UBE3A: variants seen among roughly 807,000 people sequenced by gnomAD.
UBE3A encodes ubiquitin protein ligase E3A.
A neutral mutation model predicts 83.4 loss-of-function variants in UBE3A; 6 were observed. The observed-to-expected ratio is 0.07, with a 90% CI of 0.04 to 0.14. UBE3A has a LOEUF of 0.14. UBE3A is among the 10% of genes least tolerant of loss of function. The pLI, the probability that UBE3A is intolerant of heterozygous loss-of-function variation, is 1.00. For synonymous variants in UBE3A, 337 were observed against 355.4 expected, an observed-to-expected ratio of 0.95 and a Z score of 0.58; for missense variants, 456 against 1,036.1, an observed-to-expected ratio of 0.44 and a Z score of 7.69.
intron 6 of UBE3A, among the ~76,000 whole-genome samples, chr15:25,367,854 A>G (rs2079579988): frequency 6.6e-6 from 1 of 152,070 alleles, no homozygotes; most frequent in Non-Finnish European, 1.5e-5. Context: ...AAAATCCACA[A>G]TTATTAATTC....
chr15:25,434,390 A>C (rs1894372626), intron 1 of UBE3A, among the ~76,000 whole-genome samples: 1 of 152,240 alleles, frequency 6.6e-6, no homozygotes, highest in Admixed American at 6.5e-5. Context: ...CAACACAGTG[A>C]GACCCCCATC....
chr15:25,397,863 C>T (rs1336899157), intron 4 of UBE3A, among the ~76,000 whole-genome samples: 1 of 152,000 alleles, frequency 6.6e-6, no homozygotes, highest in African/African-American at 2.4e-5. Flanking sequence ...ACTCTAGGCC[C>T]CCAAAATATT....
chr15:25,397,885 ATT>A (rs2085946428), intron 4 of UBE3A, among the ~76,000 whole-genome samples: 1 of 152,036 alleles, frequency 6.6e-6, no homozygotes, highest in Non-Finnish European at 1.5e-5. Flanking sequence ...GCCTTTCTAA[ATT>A]TGAGACATCT....
At chr15:25,377,730 C>T (rs531111376) in intron 4 of UBE3A, among the ~76,000 whole-genome samples, 1 of 151,974 alleles carries the variant, frequency 6.6e-6, no homozygotes, top group East Asian at 1.9e-4. Context: ...AATAATTTGA[C>T]AATTTTACAA....
intron 7 of UBE3A, among the ~76,000 whole-genome samples, chr15:25,358,943 A>C (rs1330720650): frequency 2.0e-5 from 3 of 152,212 alleles, no homozygotes; most frequent in Non-Finnish European, 2.9e-5. Flanking sequence ...CAAGCTGACA[A>C]TGGTGTGTCT....
chr15:25,356,721 T>G lies in UBE3A; in HGVS notation c.1929A>C (p.Gly643=). ...VVYRKLMGKK[G]TFRDLGDSHP... The stretch of plus-strand genomic sequence containing the variant: ...GAGAGTCTCCCAAGTCACGAAAAGT[T>G]CCTTTTTTCCCCATTAGCTTCCTGT... The change falls in exon 8 of 13, where the codon GGA becomes GGC. Residue 643 remains glycine (G), a synonymous_variant. Transcript: ENST00000648336. The G allele has an allele frequency of 2.5e-6, 4 of 1,613,536 alleles. No individual in the cohort carries two copies. The highest frequency in any genetic ancestry group is 3.4e-6 in the Non-Finnish European group (4 of 1,179,898).
intron 11 of UBE3A, among the ~76,000 whole-genome samples, chr15:25,351,418 A>C (rs937536326): frequency 3.3e-5 from 5 of 152,232 alleles, no homozygotes; most frequent in African/African-American, 9.6e-5. Context: ...CTTTTAAGTT[A>C]TTCCTACAAA....
chr15:25,429,288 T>C (rs1235225687), intron 1 of UBE3A, among the ~76,000 whole-genome samples: 1 of 152,096 alleles, frequency 6.6e-6, no homozygotes. Context: ...GTTGGGGTTG[T>C]TAAAAGTGAT....
chr15:25,423,992 A>G (rs1158289381), intron 1 of UBE3A, among the ~76,000 whole-genome samples: 4 of 152,118 alleles, frequency 2.6e-5, no homozygotes, highest in African/African-American at 9.7e-5. Flanking sequence ...TGGTCTACCA[A>G]TTGGTCTGTT....
intron 1 of UBE3A, among the ~76,000 whole-genome samples, chr15:25,425,895 T>C (rs376859986): frequency 3.3e-5 from 5 of 152,150 alleles, no homozygotes; most frequent in African/African-American, 9.7e-5. Context: ...ACTGAGCCCA[T>C]GCTGGTAAAT....
chr15:25,426,030 A>AT (rs35534759), intron 1 of UBE3A, among the ~76,000 whole-genome samples: 1 of 151,684 alleles, frequency 6.6e-6, no homozygotes, highest in African/African-American at 2.4e-5. Flanking sequence ...GTTCTTTGAA[A>AT]TTTTTTTTTT....
At chr15:25,369,544 AGTT>A (rs1475456123) in intron 6 of UBE3A, among the ~76,000 whole-genome samples, 1 of 152,160 alleles carries the variant, frequency 6.6e-6, no homozygotes, top group African/African-American at 2.4e-5. Context: ...CACATTTCCT[AGTT>A]GTCTGTGTCA....
chr15:25,404,729 T>G (rs1322488076), intron 4 of UBE3A, among the ~76,000 whole-genome samples: 3 of 152,138 alleles, frequency 2.0e-5, no homozygotes, highest in Non-Finnish European at 4.4e-5. Flanking sequence ...CCCTAATACC[T>G]TCTATCACAT....
chr15:25,391,419 C>T (rs779923413), intron 4 of UBE3A, among the ~76,000 whole-genome samples: 42 of 152,316 alleles, frequency 2.8e-4, no homozygotes, highest in Non-Finnish European at 4.9e-4. Context: ...AGATCTGCTG[C>T]ACAACAATGT....
intron 4 of UBE3A, among the ~76,000 whole-genome samples, chr15:25,398,491 T>C (rs2086130015): frequency 6.6e-6 from 1 of 151,974 alleles, no homozygotes; most frequent in Admixed American, 6.5e-5. Flanking sequence ...GTAACCACCA[T>C]TTTACATCCC....
Position 25,334,727 on chromosome 15 carries a change from G to A in UBE3A, c.*4410C>T, listed in dbSNP as rs1308502081. The A allele has an allele frequency of 1.3e-5, 2 of 152,174 alleles. No homozygotes were observed. Among genetic ancestry groups the A allele is most frequent in the Non-Finnish European group, 1.5e-5 (1 of 68,036 alleles). The allele number at this position is 152,174 out of a possible 1,614,324, so 9.4% of individuals were successfully genotyped here. On this transcript the variant is annotated 3_prime_UTR_variant, in exon 13 of 13. Transcript: ENST00000648336. ...ACATATAGGGCAATGGAGTAAGACT[G>A]AGAATCCAGAAAGTCTTATATTTAT...
Position 25,371,223 on chromosome 15 carries a change from G to T in UBE3A, c.951C>A (p.Ala317=). ...ACCACAGTCTGATCAGTTTTCCTTG[G>T]GCTGCAAGGGGTAGCTTGCTCATCG... The part of the protein sequence containing the change: ...CKAMSKLPLA[A]QGKLIRLWSK... The change falls in exon 6 of 13, where the codon GCC becomes GCA. Residue 317 remains alanine (A), a synonymous_variant. Transcript: ENST00000648336. The surrounding 1 kb of genome is among the most constrained non-coding windows in gnomAD (Gnocchi z 5.3). The T allele has an allele frequency of 6.2e-7, 1 of 1,614,024 alleles. No individual in the cohort carries two copies. The highest frequency in any genetic ancestry group is 1.3e-5 in the African/African-American group (1 of 74,998).
At chr15:25,372,388 T>C (rs1240364034) in intron 5 of UBE3A, among the ~76,000 whole-genome samples, 1 of 152,226 alleles carries the variant, frequency 6.6e-6, no homozygotes, top group East Asian at 1.9e-4. Flanking sequence ...AATATACCAT[T>C]TCTCATCGGC....
intron 6 of UBE3A, among the ~76,000 whole-genome samples, chr15:25,365,635 C>G (rs907518662): frequency 6.6e-6 from 1 of 151,550 alleles, no homozygotes; most frequent in African/African-American, 2.4e-5. Context: ...GTAGTCCCAG[C>G]TACTCGGGAG....
Sources: gnomAD v4.1 joint callset for allele counts (sites outside exome capture counted in the v4.1 genomes callset) on GRCh38, gnomAD v4.1.1 for gene constraint, Gnocchi (gnomAD v3.1) non-coding constraint, MANE v1.5 for transcripts, NCBI Gene and HGNC (gene_info 2026-07-23, HGNC 2026-07-21) for gene names.